ATG14: variants seen among roughly 807,000 people sequenced by gnomAD.
ATG14 encodes the protein beclin 1-associated autophagy-related key regulator.
A neutral mutation model predicts 60.4 loss-of-function variants in ATG14; 35 were observed. That is an observed-to-expected ratio of 0.58 (90% CI 0.44 to 0.77). The LOEUF is 0.77. Among genes scored for constraint, ATG14 ranks in the 30% least tolerant of loss-of-function variants. The pLI is 0.00. For missense variants in ATG14, 647 were observed against 626.3 expected, an observed-to-expected ratio of 1.03 and a Z score of -0.35; for synonymous variants, 234 against 228.8, an observed-to-expected ratio of 1.02 and a Z score of -0.21.
intron 9 of ATG14, among the ~76,000 whole-genome samples, chr14:55,370,257 T>A (rs75789405): frequency 0.019 from 2,901 of 152,280 alleles, 89 homozygotes; most frequent in African/African-American, 0.062. Context: ...AGAACTGCAG[T>A]GTCTACGAAG....
chr14:55,397,417 T>C lies in ATG14; in HGVS notation c.239A>G (p.Glu80Gly), dbSNP rs1184129828. 1 of 1,613,144 alleles carries C rather than the reference T, an allele frequency of 6.2e-7. No homozygotes were observed. Among genetic ancestry groups the C allele is most frequent in the Admixed American group, 1.7e-5 (1 of 60,020 alleles). ...CTTGCTCTTAAGTCGGCTTAACCTT[T>C]CCTTCTTGTCGATAAACCTGTAACA... ...RDRERFIDKK[E>G]RLSRLKSKQE... is the part of the protein sequence containing the mutation. Residue 80 changes from glutamate to glycine, a missense_variant, in exon 2 of 10, where the codon GAA (glutamate) becomes GGA (glycine). Coordinates refer to ENST00000247178, the MANE Select transcript of ATG14 (RefSeq NM_014924.5).
chr14:55,395,745 A>G (rs1026628956), intron 3 of ATG14, among the ~76,000 whole-genome samples, 195 bp downstream of exon 3: 1 of 152,224 alleles, frequency 6.6e-6, no homozygotes, highest in Non-Finnish European at 1.5e-5. Flanking sequence ...ATCCTTTACA[A>G]TGGCTCCATA....
In ATG14 at chr14:55,405,816, T is replaced by C. The variant is rs555538881; in HGVS notation, c.221+5786A>G. On this transcript the variant is annotated intron_variant, in intron 1 of 9. Coordinates refer to ENST00000247178, the MANE Select transcript of ATG14 (RefSeq NM_014924.5). ...CTTCATCCCTTAAGGAAGCATACAG[T>C]TTAAAAGGCAGATGACAGGGAACAC... 4.4e-4 allele frequency among the ~76,000 whole-genome samples: 67 copies of C among 152,070 alleles called. 1 individual carries two copies. The highest frequency in any genetic ancestry group is 1.6e-3 in the African/African-American group (65 of 41,478).
In ATG14 at chr14:55,385,936, C is replaced by T. The variant is rs1216660508; in HGVS notation, c.570G>A (p.Leu190=). The T allele has an allele frequency of 1.2e-6, 2 of 1,614,124 alleles. No homozygotes were observed. Among genetic ancestry groups the T allele is most frequent in the Non-Finnish European group, 1.7e-6 (2 of 1,180,006 alleles). ...ATATATGGGATCGTCGAAGATTTGC[C>T]AGACGCTCATAATGACTTCTTAAGT... ...TIDLRSHYER[L]ANLRRSHILE... is the part of the protein sequence containing the mutation. The change falls in exon 5 of 10, where the codon CTG becomes CTA. Residue 190 remains leucine, a synonymous_variant. Transcript: ENST00000247178.
At chr14:55,386,262 T>C (rs1885124829) in intron 4 of ATG14, among the ~76,000 whole-genome samples, 166 bp from the exon 5 acceptor site, 1 of 152,182 alleles carries the variant, frequency 6.6e-6, no homozygotes, top group Admixed American at 6.6e-5. Context: ...TTAGTTCAAG[T>C]AGATATTACA....
chr14:55,380,745 A>G, intron 6 of ATG14, 55 bp from the exon 7 acceptor site: 1 of 1,203,484 alleles, frequency 8.3e-7, no homozygotes, highest in South Asian at 1.3e-5. Flanking sequence ...CAAAACTACT[A>G]ATAATCCACG....
chr14:55,408,328 G>A (rs892290174), intron 1 of ATG14, among the ~76,000 whole-genome samples: 2 of 152,082 alleles, frequency 1.3e-5, no homozygotes, highest in African/African-American at 4.8e-5. Flanking sequence ...GTTGATGTGC[G>A]CCTGTAGTCC....
intron 3 of ATG14, among the ~76,000 whole-genome samples, chr14:55,394,113 T>G (rs576297065): frequency 1.1e-4 from 16 of 151,940 alleles, no homozygotes; most frequent in African/African-American, 3.6e-4. Flanking sequence ...TTCAAGTGAT[T>G]CTCCTGCCAC....
At chr14:55,410,078 A>G (rs1057280208) in intron 1 of ATG14, among the ~76,000 whole-genome samples, 39 of 152,210 alleles carry the variant, frequency 2.6e-4, no homozygotes, top group African/African-American at 8.7e-4. Flanking sequence ...GGAGAACTGA[A>G]AGGTTTTTTA....
At chr14:55,385,137 T>C (rs1453166932) in intron 5 of ATG14, among the ~76,000 whole-genome samples, 1 of 152,218 alleles carries the variant, frequency 6.6e-6, no homozygotes, top group East Asian at 1.9e-4. Flanking sequence ...CTCTAGATGT[T>C]TTCTTATGTA....
chr14:55,390,214 G>A (rs149521023), intron 4 of ATG14, among the ~76,000 whole-genome samples: 4 of 152,122 alleles, frequency 2.6e-5, no homozygotes, highest in East Asian at 3.9e-4. Context: ...GGGATTACAG[G>A]TGCCTGCCAC....
chr14:55,390,366 T>C (rs951719645), intron 4 of ATG14, among the ~76,000 whole-genome samples: 2 of 151,866 alleles, frequency 1.3e-5, no homozygotes, highest in Non-Finnish European at 2.9e-5. Flanking sequence ...CCACCGTGCC[T>C]GGCCAACTTT....
intron 5 of ATG14, among the ~76,000 whole-genome samples, chr14:55,384,136 A>G (rs1342079900): frequency 1.3e-5 from 2 of 152,254 alleles, no homozygotes; most frequent in Non-Finnish European, 2.9e-5. Flanking sequence ...AAACCTTATT[A>G]GAAGGGTAAC....
At chr14:55,406,552 A>T (rs1885494623) in intron 1 of ATG14, among the ~76,000 whole-genome samples, 1 of 152,252 alleles carries the variant, frequency 6.6e-6, no homozygotes, top group South Asian at 2.1e-4. Context: ...CCTTGAGAGC[A>T]GAGACCTGTC....
chr14:55,379,816 G>A (rs1312308911), intron 7 of ATG14, among the ~76,000 whole-genome samples: 2 of 152,156 alleles, frequency 1.3e-5, no homozygotes, highest in South Asian at 2.1e-4. Flanking sequence ...TCCAGCTCCC[G>A]GATTCAAGCG....
intron 1 of ATG14, among the ~76,000 whole-genome samples, chr14:55,406,196 C>T (rs1160017227): frequency 6.6e-6 from 1 of 152,118 alleles, no homozygotes; most frequent in Non-Finnish European, 1.5e-5. Flanking sequence ...ACCACTAAAA[C>T]CTAGATATTC....
intron 1 of ATG14, among the ~76,000 whole-genome samples, chr14:55,410,511 TAA>T (rs535913963): frequency 2.6e-4 from 40 of 152,038 alleles, no homozygotes; most frequent in African/African-American, 9.2e-4. Flanking sequence ...GCAACAAAAC[TAA>T]AAAAGAGTTT....
intron 9 of ATG14, among the ~76,000 whole-genome samples, chr14:55,370,473 A>G (rs1566576132): frequency 6.6e-6 from 1 of 152,194 alleles, no homozygotes; most frequent in African/African-American, 2.4e-5. Context: ...TTCAGAGGCA[A>G]TGTTGTATAT....
At chr14:55,375,130 G>C (rs184199581) in intron 9 of ATG14, among the ~76,000 whole-genome samples, 1 of 152,258 alleles carries the variant, frequency 6.6e-6, no homozygotes, top group African/African-American at 2.4e-5. Context: ...TCCTCATACG[G>C]TGTGTAGAGC....
Sources: allele counts gnomAD v4.1 joint callset (sites outside exome capture counted in the v4.1 genomes callset), GRCh38; gene constraint gnomAD v4.1.1; transcripts MANE v1.5; gene names NCBI Gene and HGNC (gene_info 2026-07-23, HGNC 2026-07-21).